Variants in B3GALT1 observed in about 807,000 individuals in gnomAD.
B3GALT1 encodes beta-1,3-galactosyltransferase 1.
In B3GALT1, 10 loss-of-function variants were observed where a neutral mutation model predicts 23.2. The ratio of observed to expected loss-of-function variants is 0.43; its 90% CI spans 0.27 to 0.73. B3GALT1 has a LOEUF of 0.73. B3GALT1 is among the 30% of genes least tolerant of loss of function. The pLI is 0.21. For missense variants in B3GALT1, 299 were observed against 405.4 expected (o/e 0.74, Z 2.25); for synonymous variants, 156 against 141.5 (o/e 1.10, Z -0.73).
intron 2 of B3GALT1, among the ~76,000 whole-genome samples, chr2:167,587,901 A>G (rs1382597949): frequency 6.6e-6 from 1 of 152,210 alleles, no homozygotes; most frequent in African/African-American, 2.4e-5. Context: ...TAATTATTTT[A>G]CTGTCCTTTA....
At chr2:167,753,834 T>G (rs888107940) in intron 3 of B3GALT1, among the ~76,000 whole-genome samples, 4 of 152,188 alleles carry the variant, frequency 2.6e-5, no homozygotes, top group African/African-American at 9.6e-5. Context: ...ACCCACCAGA[T>G]TCATTCACTT....
chr2:167,556,843 T>G (rs895818882), intron 2 of B3GALT1, among the ~76,000 whole-genome samples: 1 of 152,214 alleles, frequency 6.6e-6, no homozygotes, highest in Non-Finnish European at 1.5e-5. Flanking sequence ...TACTTCTTAC[T>G]GTGTGCCATC....
intron 2 of B3GALT1, among the ~76,000 whole-genome samples, chr2:167,512,566 A>ATACG (rs1553463238): frequency 5.4e-5 from 5 of 92,036 alleles, no homozygotes; most frequent in South Asian, 7.5e-4. Flanking sequence ...GTATATATAT[A>ATACG]TGTATATATA....
chr2:167,638,296 A>G (rs1182247599), intron 2 of B3GALT1, among the ~76,000 whole-genome samples: 1 of 152,110 alleles, frequency 6.6e-6, no homozygotes, highest in Non-Finnish European at 1.5e-5. Flanking sequence ...CAGCACTGCT[A>G]AAACAAACTA....
intron 2 of B3GALT1, among the ~76,000 whole-genome samples, chr2:167,620,901 C>T (rs1390429564): frequency 1.3e-5 from 2 of 151,954 alleles, no homozygotes; most frequent in African/African-American, 4.8e-5. Flanking sequence ...ACTAATCAGC[C>T]TATAAATGCA....
intron 3 of B3GALT1, among the ~76,000 whole-genome samples, chr2:167,768,578 A>G (rs1184582087): frequency 6.6e-6 from 1 of 152,238 alleles, no homozygotes; most frequent in Non-Finnish European, 1.5e-5. Flanking sequence ...TGACAGGAAC[A>G]TATTTATTCT....
intron 3 of B3GALT1, among the ~76,000 whole-genome samples, chr2:167,681,085 C>T (rs2105492699): frequency 6.6e-6 from 1 of 152,048 alleles, no homozygotes; most frequent in African/African-American, 2.4e-5. Context: ...CTCTGTATAA[C>T]CAGAAATGAG....
chr2:167,557,488 A>G (rs1017505977), intron 2 of B3GALT1, among the ~76,000 whole-genome samples: 2 of 152,208 alleles, frequency 1.3e-5, no homozygotes, highest in Non-Finnish European at 2.9e-5. Context: ...ACTTAGAAAC[A>G]TGATATCTTG....
At chr2:167,457,236 G>A (rs986003468) in intron 1 of B3GALT1, among the ~76,000 whole-genome samples, 1 of 151,918 alleles carries the variant, frequency 6.6e-6, no homozygotes, top group Non-Finnish European at 1.5e-5. Flanking sequence ...GCAGTGGCGC[G>A]ATCTCGGCTC....
intron 4 of B3GALT1, among the ~76,000 whole-genome samples, chr2:167,864,332 C>G (rs146869812): frequency 7.7e-4 from 117 of 152,288 alleles, no homozygotes; most frequent in Middle Eastern, 3.4e-3. Context: ...GCCAGAGGAT[C>G]ACTTGAGCCC....
At chr2:167,715,629 G>A in intron 3 of B3GALT1, 1 of 1,613,830 alleles carries the variant, frequency 6.2e-7, no homozygotes. Flanking sequence ...TCTAGACAGA[G>A]GATTTCATCC....
At chr2:167,330,599 G>A (rs564496354) in intron 1 of B3GALT1, among the ~76,000 whole-genome samples, 19 of 152,210 alleles carry the variant, frequency 1.2e-4, no homozygotes, top group Non-Finnish European at 2.1e-4. Context: ...GACAGAGCGC[G>A]ACCCAGCCTA....
chr2:167,668,496 C>T (rs1417524819), intron 3 of B3GALT1, among the ~76,000 whole-genome samples: 1 of 152,214 alleles, frequency 6.6e-6, no homozygotes, highest in Non-Finnish European at 1.5e-5. Flanking sequence ...AGCTTCCCGG[C>T]TGCTTTGTTT....
intron 1 of B3GALT1, among the ~76,000 whole-genome samples, chr2:167,295,791 G>C (rs1696341721): frequency 6.6e-6 from 1 of 151,038 alleles, no homozygotes; most frequent in Non-Finnish European, 1.5e-5. Flanking sequence ...GTGTGTGTGT[G>C]TGTGTGTGTG....
At chr2:167,801,453 CA>C (rs1688637297) in intron 3 of B3GALT1, among the ~76,000 whole-genome samples, 1 of 152,162 alleles carries the variant, frequency 6.6e-6, no homozygotes, top group African/African-American at 2.4e-5. Context: ...TCATTCACTT[CA>C]CGTCAAAGAC....
chr2:167,574,669 T>C (rs746787490), intron 2 of B3GALT1, among the ~76,000 whole-genome samples: 1 of 151,764 alleles, frequency 6.6e-6, no homozygotes, highest in Non-Finnish European at 1.5e-5. Flanking sequence ...TTTTATGTTA[T>C]TGTTTCTTCA....
chr2:167,474,847 G>A (rs1699468040), intron 1 of B3GALT1, among the ~76,000 whole-genome samples: 1 of 152,110 alleles, frequency 6.6e-6, no homozygotes, highest in Admixed American at 6.6e-5. Context: ...GCTCTCCAAA[G>A]GGAGTACGTA....
intron 4 of B3GALT1, among the ~76,000 whole-genome samples, chr2:167,853,295 T>C (rs1689939323): frequency 6.6e-6 from 1 of 152,172 alleles, no homozygotes; most frequent in Admixed American, 6.5e-5. Flanking sequence ...TCTCTGCAAA[T>C]GTTCTTAACT....
intron 3 of B3GALT1, among the ~76,000 whole-genome samples, chr2:167,665,765 T>G (rs1276534973): frequency 6.6e-6 from 1 of 152,256 alleles, no homozygotes; most frequent in Admixed American, 6.5e-5. Flanking sequence ...GTGTTTGTAC[T>G]ATTCTCTGAT....
Sources: allele counts gnomAD v4.1 joint callset (sites outside exome capture counted in the v4.1 genomes callset), GRCh38; gene constraint gnomAD v4.1.1; transcripts MANE v1.5; gene names NCBI Gene and HGNC (gene_info 2026-07-23, HGNC 2026-07-21).